CFAP418: variants seen among roughly 807,000 people sequenced by gnomAD.
CFAP418 encodes cilia and flagella associated protein 418.
Under a neutral mutation model 24.7 loss-of-function variants are expected in CFAP418, and 27 were observed. That is an observed-to-expected ratio of 1.09 (90% CI 0.81 to 1.51). CFAP418 has a LOEUF of 1.51. Among genes scored for constraint, CFAP418 ranks in the 40% most tolerant of loss-of-function variants. CFAP418 has a pLI of 0.00. For missense variants in CFAP418, 257 were observed against 255.2 expected (o/e 1.01, Z -0.05); for synonymous variants, 74 against 87.3 (o/e 0.85, Z 0.85).
intron 1 of CFAP418, chr8:95,268,738 A>C (rs2514556): frequency 5.1e-6 from 1 of 197,134 alleles, no homozygotes; most frequent in South Asian, 1.9e-4. Context: ...ACTGGCGCGG[A>C]CTGCGGGCTC....
intron 1 of CFAP418, among the ~76,000 whole-genome samples, chr8:95,264,340 C>T (rs1488674197): frequency 6.6e-6 from 1 of 152,192 alleles, no homozygotes; most frequent in Non-Finnish European, 1.5e-5. Flanking sequence ...ATATAAACCA[C>T]TACTGCATAG....
At position 95,260,485 on chromosome 8, in the gene CFAP418, A is replaced by C; in HGVS notation, c.291T>G (p.Ile97Met). The C allele has an allele frequency of 6.3e-7, 1 of 1,590,084 alleles. No individual in the cohort carries two copies. Among genetic ancestry groups the C allele is most frequent in the Non-Finnish European group, 8.5e-7 (1 of 1,172,710 alleles). Residue 97 changes from isoleucine to methionine, a missense_variant, in exon 3 of 6, where the codon ATT becomes ATG. Physicochemically the swap from Ile to Met is conservative, Grantham distance 10 (BLOSUM62 1). Transcript: ENST00000286688. ...CAACTTACCTTTTACCAAGGCCTTC[A>C]ATGGAAGCTCTGACAGATGTGTTAC... ...SSGNTSVRAS[I>M]EGLGKSCSPV...
At chr8:95,253,289 G>A (rs934397859) in intron 4 of CFAP418, among the ~76,000 whole-genome samples, 4 of 150,170 alleles carry the variant, frequency 2.7e-5, no homozygotes, top group Admixed American at 1.3e-4. Flanking sequence ...CAGCCTGGGC[G>A]ACAAAGCGAG....
chr8:95,252,017 T>C (rs1242336151), intron 5 of CFAP418, among the ~76,000 whole-genome samples, 171 bp downstream of exon 5: 1 of 151,910 alleles, frequency 6.6e-6, no homozygotes, highest in Non-Finnish European at 1.5e-5. Flanking sequence ...CCACCATGTA[T>C]ATATATATAT....
In CFAP418 at chr8:95,269,113, A is replaced by G. The variant is rs144040049; in HGVS notation, c.77T>C (p.Met26Thr). ...GCCGCAGCCTTTGGGCTGCTCGACC[A>G]TACCCCGTCTTAGAAGGTCAGGTGT... ...FCTPDLLRRG[M>T]VEQPKGCGGG... The change falls in exon 1 of 6, where the codon ATG becomes ACG. Residue 26 changes from methionine to threonine, a missense_variant. Physicochemically the swap from Met to Thr is moderately conservative, Grantham distance 81 (BLOSUM62 -1). Coordinates refer to ENST00000286688, the MANE Select transcript of CFAP418 (RefSeq NM_177965.4). 1.2e-5 allele frequency: 19 copies of G among 1,613,970 alleles called. No homozygotes were observed. The African/African-American group carries it at 2.4e-4, about 20-fold the overall frequency.
chr8:95,263,823 G>T, intron 1 of CFAP418, 49 bp from the exon 2 acceptor site: 1 of 1,054,134 alleles, frequency 9.5e-7, no homozygotes, highest in Non-Finnish European at 1.5e-6. Flanking sequence ...TTTATGAGCA[G>T]AGAAAGCTAG....
intron 4 of CFAP418, among the ~76,000 whole-genome samples, chr8:95,255,521 A>C (rs906335878): frequency 4.6e-5 from 7 of 152,202 alleles, no homozygotes; most frequent in Non-Finnish European, 8.8e-5. Context: ...ATAGTATCCC[A>C]TATGTTCCCT....
intron 4 of CFAP418, among the ~76,000 whole-genome samples, chr8:95,253,564 T>C (rs1478238680): frequency 6.6e-6 from 1 of 152,250 alleles, no homozygotes; most frequent in African/African-American, 2.4e-5. Context: ...ACTTTTGGCC[T>C]GAAAATTTCT....
At chr8:95,267,243 TTTTG>T (rs1254870890) in intron 1 of CFAP418, among the ~76,000 whole-genome samples, 3 of 152,250 alleles carry the variant, frequency 2.0e-5, no homozygotes, top group African/African-American at 2.4e-5. Flanking sequence ...TTTTTAGAAA[TTTTG>T]TTTATGTACT....
In CFAP418 at chr8:95,247,216, G is replaced by A. The variant is rs1811636414; in HGVS notation, c.*401C>T. ...AGAAGTGTTGTAGACACCCCTAAAT[G>A]ATCTCTTTGCCCTGGCCGGCTTTAT... On this transcript the variant is annotated 3_prime_UTR_variant, in exon 6 of 6. Coordinates refer to ENST00000286688, the MANE Select transcript of CFAP418 (RefSeq NM_177965.4). The A allele has an allele frequency of 1.1e-5, 2 of 177,830 alleles. No homozygotes were observed. The highest frequency in any genetic ancestry group is 4.8e-5 in the African/African-American group (2 of 41,700). 11.0% of individuals were successfully genotyped at this position (177,830 alleles called of 1,614,324 possible). A position where few individuals can be genotyped will look rare whatever the true frequency, so the allele number is the denominator to read the frequency against.
chr8:95,265,343 T>C (rs946264779), intron 1 of CFAP418, among the ~76,000 whole-genome samples: 10 of 152,188 alleles, frequency 6.6e-5, no homozygotes, highest in Non-Finnish European at 5.9e-5. Context: ...AAATATTTTA[T>C]CTATAAAAAT....
intron 4 of CFAP418, among the ~76,000 whole-genome samples, chr8:95,253,524 G>A (rs930926792): frequency 4.6e-5 from 7 of 151,994 alleles, no homozygotes; most frequent in African/African-American, 1.4e-4. Flanking sequence ...TCCCTTCAAA[G>A]TTCAGATACG....
chr8:95,263,602 A>G lies in CFAP418; in HGVS notation c.243+85T>C, dbSNP rs182997539. 2,015 of 751,524 alleles carry G rather than the reference A, an allele frequency of 2.7e-3. 6 individuals carry two copies. The highest frequency in any genetic ancestry group is 3.8e-3 in the Non-Finnish European group (1,690 of 442,586). The allele number at this position is 751,524 out of a possible 1,614,324, so 46.6% of individuals were successfully genotyped here. A position where few individuals can be genotyped will look rare whatever the true frequency, so the allele number is the denominator to read the frequency against. On this transcript the variant is annotated intron_variant, in intron 2 of 5. Transcript: ENST00000286688. The stretch of plus-strand genomic sequence containing the variant: ...TCTCAGAATTCAAAAGATAATGGGT[A>G]GCTACTTGTGTCATCTTTAAGACTA...
chr8:95,257,262 G>C (rs1336911578), intron 4 of CFAP418, among the ~76,000 whole-genome samples: 1 of 152,120 alleles, frequency 6.6e-6, no homozygotes, highest in Admixed American at 6.5e-5. Flanking sequence ...ACCTCTACAG[G>C]CAGTTTGTAT....
At chr8:95,263,832 A>G (rs1811932696) in intron 1 of CFAP418, 58 bp from the exon 2 acceptor site, 2 of 982,322 alleles carry the variant, frequency 2.0e-6, no homozygotes, top group East Asian at 2.4e-5. Context: ...AGAGAAAGCT[A>G]GTATCAGAAG....
intron 1 of CFAP418, among the ~76,000 whole-genome samples, chr8:95,265,660 T>C (rs1811967052): frequency 6.6e-6 from 1 of 152,190 alleles, no homozygotes; most frequent in Non-Finnish European, 1.5e-5. Flanking sequence ...ATTTCAAGAA[T>C]CAGATACATC....
Position 95,263,684 on chromosome 8 carries a change from T to G in CFAP418, c.243+3A>C, listed in dbSNP as rs372060493. On this transcript the variant is annotated splice_donor_region_variant and intron_variant, in intron 2 of 5. Transcript: ENST00000286688. ...TACTACATATTTATAACACTTGACT[T>G]ACAGAGGGTTTTTTGTCCAAGTTGG... The G allele has an allele frequency of 1.9e-6, 3 of 1,566,974 alleles. No individual in the cohort carries two copies. The highest frequency in any genetic ancestry group is 2.6e-6 in the Non-Finnish European group (3 of 1,138,340).
chr8:95,249,014 T>A (rs1421142722), intron 5 of CFAP418, among the ~76,000 whole-genome samples: 1 of 152,142 alleles, frequency 6.6e-6, no homozygotes, highest in East Asian at 1.9e-4. Flanking sequence ...ACTGACTAGC[T>A]AAACGACTTA....
chr8:95,249,455 G>A (rs1274104042), intron 5 of CFAP418, among the ~76,000 whole-genome samples: 1 of 152,170 alleles, frequency 6.6e-6, no homozygotes, highest in Non-Finnish European at 1.5e-5. Context: ...TTGAGCTCAG[G>A]AGTTCGAGAC....
Sources: allele counts gnomAD v4.1 joint callset (sites outside exome capture counted in the v4.1 genomes callset), GRCh38; gene constraint gnomAD v4.1.1; transcripts MANE v1.5; gene names NCBI Gene and HGNC (gene_info 2026-07-23, HGNC 2026-07-21).